The following ARHGAP28 variants were observed in gnomAD, a reference collection of about 807,000 sequenced individuals.
ARHGAP28 encodes the protein Rho GTPase activating protein 28.
ARHGAP28 carries 56 observed loss-of-function variants against 90.7 expected under a neutral mutation model. The observed-to-expected ratio is 0.62, with a 90% CI of 0.50 to 0.77. ARHGAP28 has a LOEUF of 0.77. ARHGAP28 is among the 30% of genes least tolerant of loss of function. The probability of loss-of-function intolerance (pLI) is 0.00; values close to 1 mark genes in which losing one functional copy is unlikely to be tolerated. For missense variants in ARHGAP28, 869 were observed against 900.9 expected (o/e 0.96, Z 0.45); for synonymous variants, 308 against 323.3 (o/e 0.95, Z 0.51).
intron 1 of ARHGAP28, among the ~76,000 whole-genome samples, chr18:6,735,936 G>A (rs997813162): frequency 6.6e-6 from 1 of 152,166 alleles, no homozygotes; most frequent in Non-Finnish European, 1.5e-5. Context: ...ATGCGACGTT[G>A]ACATCTTACT....
chr18:6,891,939 T>A (rs372338988), intron 14 of ARHGAP28, among the ~76,000 whole-genome samples: 196 of 151,630 alleles, frequency 1.3e-3, no homozygotes, highest in African/African-American at 4.6e-3. Flanking sequence ...GGAGGAAGAG[T>A]GAAAGTCCAG....
intron 15 of ARHGAP28, 57 bp downstream of exon 15, chr18:6,894,948 G>C: frequency 1.4e-6 from 2 of 1,456,760 alleles, no homozygotes. Flanking sequence ...CTTCTCTGGC[G>C]ACATCCACCA....
chr18:6,803,345 G>T (rs1349148600), intron 1 of ARHGAP28, among the ~76,000 whole-genome samples: 2 of 151,892 alleles, frequency 1.3e-5, no homozygotes, highest in African/African-American at 2.4e-5. Flanking sequence ...ATGATCATGT[G>T]GTTTTTATTT....
chr18:6,887,879 TA>T (rs973517660), intron 12 of ARHGAP28, among the ~76,000 whole-genome samples: 1 of 152,224 alleles, frequency 6.6e-6, no homozygotes, highest in Admixed American at 6.5e-5. Flanking sequence ...GACCATTATG[TA>T]ACTTGTAAAA....
At chr18:6,904,432 A>T (rs2057354374) in intron 16 of ARHGAP28, among the ~76,000 whole-genome samples, 1 of 152,194 alleles carries the variant, frequency 6.6e-6, no homozygotes, top group Non-Finnish European at 1.5e-5. Flanking sequence ...AAATAAAATT[A>T]TGTGGGATGC....
At chr18:6,841,123 C>T (rs1329051871) in intron 3 of ARHGAP28, among the ~76,000 whole-genome samples, 3 of 149,846 alleles carry the variant, frequency 2.0e-5, no homozygotes, top group Non-Finnish European at 4.4e-5. Context: ...CTTCTCTTCT[C>T]TCTCTCTCTC....
Position 6,882,300 on chromosome 18 carries a change from G to T in ARHGAP28, c.1453+1G>T. 1.2e-6 allele frequency: 2 copies of T among 1,609,978 alleles called. No homozygotes were observed. Among genetic ancestry groups the T allele is most frequent in the South Asian group, 1.1e-5 (1 of 90,046 alleles). On this transcript the variant is annotated splice_donor_variant, in intron 11 of 17. Coordinates refer to ENST00000383472, the MANE Select transcript of ARHGAP28 (RefSeq NM_001366230.1). LOFTEE classifies it high-confidence loss of function. ...CCTGCCTTCATCAGTCTAATGGAAA[G>T]TAGGTGGAAGACGTTATATGTGAAT...
Position 6,913,379 on chromosome 18 carries a change from A to C in ARHGAP28, c.*1225A>C, listed in dbSNP as rs4398174. ...CGAGACTATGGATATAGTCCTTCTC[A>C]GATTAGCTGGAAATGGGGACAGAGT... is the stretch of plus-strand genomic sequence containing the variant. On this transcript the variant is annotated 3_prime_UTR_variant, in exon 18 of 18. Coordinates refer to ENST00000383472, the MANE Select transcript of ARHGAP28 (RefSeq NM_001366230.1). 1 of 152,004 alleles carries C rather than the reference A, an allele frequency of 6.6e-6. No homozygotes were observed. The highest frequency in any genetic ancestry group is 1.5e-5 in the Non-Finnish European group (1 of 68,032). The allele number at this position is 152,004 out of a possible 1,614,324, so 9.4% of individuals were successfully genotyped here.
At chr18:6,888,978 G>C (rs905936923) in intron 12 of ARHGAP28, among the ~76,000 whole-genome samples, 3 of 152,146 alleles carry the variant, frequency 2.0e-5, no homozygotes, top group African/African-American at 7.2e-5. Flanking sequence ...CTCCACCTCG[G>C]TCTCTTCATC....
intron 1 of ARHGAP28, among the ~76,000 whole-genome samples, chr18:6,758,625 C>T (rs879782181): frequency 6.6e-6 from 1 of 152,190 alleles, no homozygotes; most frequent in Non-Finnish European, 1.5e-5. Context: ...TGCCCAGCCA[C>T]TTGCTTGTCT....
At chr18:6,764,516 A>G (rs1216520803) in intron 1 of ARHGAP28, among the ~76,000 whole-genome samples, 1 of 152,202 alleles carries the variant, frequency 6.6e-6, no homozygotes, top group Non-Finnish European at 1.5e-5. Flanking sequence ...CCCTAGAATC[A>G]GGGAAGTCAT....
chr18:6,809,174 A>G (rs752286132), intron 1 of ARHGAP28, among the ~76,000 whole-genome samples: 1 of 152,174 alleles, frequency 6.6e-6, no homozygotes, highest in Non-Finnish European at 1.5e-5. Flanking sequence ...CTGGCATCAT[A>G]GTCCTGTTTT....
At chr18:6,850,022 T>C (rs1169788476) in intron 3 of ARHGAP28, among the ~76,000 whole-genome samples, 1 of 152,180 alleles carries the variant, frequency 6.6e-6, no homozygotes, top group South Asian at 2.1e-4. Context: ...TCTATTTGTA[T>C]GCTAGTAGAT....
chr18:6,838,420 T>G (rs1388075539), intron 3 of ARHGAP28, among the ~76,000 whole-genome samples: 1 of 152,190 alleles, frequency 6.6e-6, no homozygotes, highest in Non-Finnish European at 1.5e-5. Context: ...CATATCTTCT[T>G]TTAGTTAAAG....
intron 1 of ARHGAP28, among the ~76,000 whole-genome samples, chr18:6,792,612 A>G (rs892518923): frequency 5.9e-5 from 9 of 152,232 alleles, no homozygotes; most frequent in Non-Finnish European, 1.3e-4. Flanking sequence ...GGAGTGATAC[A>G]GTGCAAGGGG....
intron 5 of ARHGAP28, among the ~76,000 whole-genome samples, chr18:6,866,650 G>A (rs1044237895): frequency 1.3e-5 from 2 of 152,098 alleles, no homozygotes; most frequent in Admixed American, 6.6e-5. Context: ...TCTTCTCATT[G>A]TAAGTAGCTC....
At chr18:6,910,024 C>T (rs1397343639) in intron 17 of ARHGAP28, among the ~76,000 whole-genome samples, 1 of 152,198 alleles carries the variant, frequency 6.6e-6, no homozygotes, top group Non-Finnish European at 1.5e-5. Flanking sequence ...CTTCTTGAAT[C>T]AGTGTCTACG....
chr18:6,828,249 G>A lies in ARHGAP28; in HGVS notation c.325+3285G>A, dbSNP rs1488478452. ...GCCTGCAATCGCAGGCACTCGGCAG[G>A]CCCAGGCAGGAGAATCAGGCAGGGA... On this transcript the variant is annotated intron_variant, in intron 2 of 17. Coordinates refer to ENST00000383472, the MANE Select transcript of ARHGAP28 (RefSeq NM_001366230.1). Among the ~76,000 whole-genome samples the A allele has an allele frequency of 4.6e-5, 7 of 152,310 alleles. No homozygotes were observed. In the East Asian group the frequency reaches 1.4e-3, roughly 30 times the overall value.
chr18:6,798,141 A>G (rs928374553), intron 1 of ARHGAP28, among the ~76,000 whole-genome samples: 12 of 152,288 alleles, frequency 7.9e-5, no homozygotes, highest in Non-Finnish European at 1.2e-4. Flanking sequence ...ATATGCAAAA[A>G]AACACCTCCA....
Sources: gnomAD v4.1 joint callset for allele counts (sites outside exome capture counted in the v4.1 genomes callset) on GRCh38, gnomAD v4.1.1 for gene constraint, MANE v1.5 for transcripts, NCBI Gene and HGNC (gene_info 2026-07-23, HGNC 2026-07-21) for gene names.